Variants in ANKRD27 observed in about 807,000 individuals in gnomAD.
ANKRD27 encodes the protein ankyrin repeat domain 27.
ANKRD27 carries 112 observed loss-of-function variants against 129.7 expected under a neutral mutation model. That is an observed-to-expected ratio of 0.86 (90% confidence interval 0.74 to 1.01). The LOEUF is 1.01. Among genes scored for constraint, ANKRD27 ranks in the 50% least tolerant of loss-of-function variants. The pLI is 0.00. For synonymous variants in ANKRD27, 516 were observed against 511.2 expected, an observed-to-expected ratio of 1.01 and a Z score of -0.13; for missense variants, 1,258 against 1,300.5, an observed-to-expected ratio of 0.97 and a Z score of 0.50.
intron 6 of ANKRD27, 40 bp from the exon 7 acceptor site, chr19:32,643,524 G>A (rs746027064): frequency 3.1e-6 from 5 of 1,613,866 alleles, no homozygotes; most frequent in Non-Finnish European, 4.2e-6. Flanking sequence ...GCTTGGATTT[G>A]CATGGGGGTG....
At chr19:32,607,423 C>T (rs528948303) in intron 23 of ANKRD27, among the ~76,000 whole-genome samples, 1 of 152,218 alleles carries the variant, frequency 6.6e-6, no homozygotes, top group Non-Finnish European at 1.5e-5. Context: ...ATGGGAGTGG[C>T]AGTGGGGCAG....
intron 1 of ANKRD27, among the ~76,000 whole-genome samples, chr19:32,674,306 C>T (rs1445018291): frequency 6.6e-6 from 1 of 152,208 alleles, no homozygotes; most frequent in Non-Finnish European, 1.5e-5. Context: ...TGCAGCCTCA[C>T]AGTCCCTCCA....
At chr19:32,640,899 T>TTTG (rs1967187432) in intron 10 of ANKRD27, among the ~76,000 whole-genome samples, 3 of 151,754 alleles carry the variant, frequency 2.0e-5, no homozygotes, top group South Asian at 2.1e-4. Context: ...TGTCTCTTTT[T>TTTG]TTTGTTTGTT....
At chr19:32,661,742 T>C (rs1967650169) in intron 1 of ANKRD27, among the ~76,000 whole-genome samples, 2 of 152,186 alleles carry the variant, frequency 1.3e-5, no homozygotes, top group Non-Finnish European at 1.5e-5. Context: ...TCAAATCCCA[T>C]GGTCGGCCCT....
At chr19:32,629,883 G>C (rs187494435) in intron 13 of ANKRD27, among the ~76,000 whole-genome samples, 1 of 144,532 alleles carries the variant, frequency 6.9e-6, no homozygotes, top group African/African-American at 2.6e-5. Context: ...AATCCCTACA[G>C]GGTGACAAAT....
Position 32,622,449 on chromosome 19 carries a change from C to A in ANKRD27, c.1800G>T (p.Thr600=), listed in dbSNP as rs561377802. The change falls in exon 18 of 29, where the codon ACG becomes ACT. Residue 600 remains threonine, a synonymous_variant. Coordinates refer to ENST00000306065, the MANE Select transcript of ANKRD27 (RefSeq NM_032139.3). Reference sequence around the variant, plus strand: ...TTGAGTTTAATGCACACTTGAGGGGCGTCTCCTTCAGTCTGTTCTGGATCT... The same window carrying A: ...TTGAGTTTAATGCACACTTGAGGGGAGTCTCCTTCAGTCTGTTCTGGATCT... ...STEIQNRLKE[T]PLKCALNSKI... 1 of 1,613,694 alleles carries A rather than the reference C, an allele frequency of 6.2e-7. No homozygotes were observed.
Position 32,628,713 on chromosome 19 carries a change from C to T in ANKRD27, c.1337+9G>A. ...CTGGCACTCTGAGCCTCCACCAGCA[C>T]CCTCTTACCCAGAGACGAGTTTCTC... On this transcript the variant is annotated intron_variant, in intron 14 of 28. Coordinates refer to ENST00000306065, the MANE Select transcript of ANKRD27 (RefSeq NM_032139.3). 6.2e-7 allele frequency: 1 copy of T among 1,613,718 alleles called. No homozygotes were observed. The highest frequency in any genetic ancestry group is 8.5e-7 in the Non-Finnish European group (1 of 1,179,774).
At chr19:32,623,463 G>A (rs187789820) in intron 17 of ANKRD27, among the ~76,000 whole-genome samples, 13 of 152,174 alleles carry the variant, frequency 8.5e-5, no homozygotes, top group Admixed American at 7.2e-4. Context: ...TGAGCTTCCC[G>A]AGTGGACCAC....
In ANKRD27 at chr19:32,619,267, T is replaced by C; in HGVS notation, c.2000A>G (p.Tyr667Cys). The change falls in exon 20 of 29, where the codon TAC (tyrosine) becomes TGC (cysteine). Residue 667 changes from tyrosine to cysteine, a missense_variant. Physicochemically the swap from Tyr to Cys is radical, Grantham distance 194. Coordinates refer to ENST00000306065, the MANE Select transcript of ANKRD27 (RefSeq NM_032139.3). ...TTCCTCTGGAAGCCTCACCTCTCTG[T>C]AGTCCTTCTTGGTCTCCTCCTGCCT... ...SSRQEETKKD[Y>C]REVEKLLRAV... 6.2e-7 allele frequency: 1 copy of C among 1,612,938 alleles called. No homozygotes were observed. The highest frequency in any genetic ancestry group is 1.1e-5 in the South Asian group (1 of 90,998).
intron 17 of ANKRD27, among the ~76,000 whole-genome samples, chr19:32,624,776 A>G (rs1972064974): frequency 6.6e-6 from 1 of 151,968 alleles, no homozygotes; most frequent in Non-Finnish European, 1.5e-5. Context: ...CCCTTTCTCT[A>G]CAAAAATATA....
At chr19:32,614,717 A>G (rs188536679) in intron 22 of ANKRD27, among the ~76,000 whole-genome samples, 1 of 152,258 alleles carries the variant, frequency 6.6e-6, no homozygotes, top group South Asian at 2.1e-4. Flanking sequence ...AAAAAGAACA[A>G]GGAGTATATA....
chr19:32,604,132 C>A lies in ANKRD27; in HGVS notation c.2655+131G>T, dbSNP rs1051716636. 6.6e-6 allele frequency: 7 copies of A among 1,061,004 alleles called. No homozygotes were observed. The Admixed American group carries it at 2.0e-4, about 30-fold the overall frequency. The allele number at this position is 1,061,004 out of a possible 1,614,324, so 65.7% of individuals were successfully genotyped here. ...CTACCCACGCTGTGGACTTCTGGCA[C>A]ACCAACTACGCCCAGCCCGGCGATG... On this transcript the variant is annotated intron_variant, in intron 25 of 28. Coordinates refer to ENST00000306065, the MANE Select transcript of ANKRD27 (RefSeq NM_032139.3).
intron 21 of ANKRD27, among the ~76,000 whole-genome samples, chr19:32,616,640 C>T (rs1337077568): frequency 2.0e-5 from 3 of 151,922 alleles, no homozygotes. Context: ...CTAAGGAAGG[C>T]TGTCTCCAAT....
chr19:32,650,514 C>A (rs1357494385), intron 2 of ANKRD27, among the ~76,000 whole-genome samples: 1 of 152,080 alleles, frequency 6.6e-6, no homozygotes, highest in East Asian at 1.9e-4. Flanking sequence ...TGGTGAAACT[C>A]TGTCTCTACT....
At chr19:32,623,584 C>T (rs904431197) in intron 17 of ANKRD27, among the ~76,000 whole-genome samples, 4 of 149,900 alleles carry the variant, frequency 2.7e-5, no homozygotes, top group African/African-American at 9.9e-5. Flanking sequence ...CAGTCTCGCT[C>T]TGTCGCCTAG....
At position 32,646,581 on chromosome 19, in the gene ANKRD27, C is replaced by A. The variant is rs758293821; in HGVS notation, c.248G>T (p.Gly83Val). 5.0e-6 allele frequency: 8 copies of A among 1,613,890 alleles called. No individual in the cohort carries two copies. Among genetic ancestry groups the A allele is most frequent in the Non-Finnish European group, 6.8e-6 (8 of 1,179,974 alleles). Residue 83 changes from glycine to valine, a missense_variant, in exon 4 of 29, where the codon GGA (glycine) becomes GTA (valine). By Grantham distance (109) the Gly-to-Val change is moderately radical. Coordinates refer to ENST00000306065, the MANE Select transcript of ANKRD27 (RefSeq NM_032139.3). ...TGAGAGAAGACAGGCAAAACCAGCT[C>A]CTAATTTAATCCTGTTCCCTTGAAT... ...VFIQGNRIKL[G>V]AGFACLLSVP...
intron 2 of ANKRD27, among the ~76,000 whole-genome samples, chr19:32,658,668 GCA>G (rs1967589465): frequency 6.6e-6 from 1 of 152,172 alleles, no homozygotes; most frequent in East Asian, 1.9e-4. Context: ...CCACGAAAGG[GCA>G]CAGTTAGCCA....
intron 12 of ANKRD27, among the ~76,000 whole-genome samples, chr19:32,632,904 C>A (rs1599753884): frequency 6.6e-6 from 1 of 152,216 alleles, no homozygotes; most frequent in African/African-American, 2.4e-5. Flanking sequence ...GGGTCCTCTG[C>A]CATGCAGGGT....
Position 32,605,961 on chromosome 19 carries a change from C to T in ANKRD27, c.2374-7G>A. ...CTAACAGACACTTCACCACCTGGGC[C>T]AGAGAAGGAAAACGTGCAAACTTAA... On this transcript the variant is annotated splice_region_variant and splice_polypyrimidine_tract_variant and intron_variant, in intron 23 of 28. Transcript: ENST00000306065. 1 of 1,611,312 alleles carries T rather than the reference C, an allele frequency of 6.2e-7. No individual in the cohort carries two copies.
Sources: gnomAD v4.1 joint callset for allele counts (sites outside exome capture counted in the v4.1 genomes callset) on GRCh38, gnomAD v4.1.1 for gene constraint, MANE v1.5 for transcripts, NCBI Gene and HGNC (gene_info 2026-07-23, HGNC 2026-07-21) for gene names.